ANO4: variants seen among roughly 807,000 people sequenced by gnomAD.
ANO4 encodes the protein anoctamin 4.
A neutral mutation model predicts 141.9 loss-of-function variants in ANO4; 69 were observed. The ratio of observed to expected loss-of-function variants is 0.49; its 90% CI spans 0.40 to 0.59. The LOEUF is 0.59. Ranked by LOEUF, ANO4 falls within the 20% of genes least tolerant of loss-of-function variation. The pLI, the probability that ANO4 is intolerant of heterozygous loss-of-function variation, is 0.00. For missense variants in ANO4, 894 were observed against 1,162.2 expected (o/e 0.77, Z 3.36); for synonymous variants, 350 against 394.3 (o/e 0.89, Z 1.33).
At position 101,086,699 on chromosome 12, in the gene ANO4, T is replaced by C; in HGVS notation, c.1576T>C (p.Tyr526His). Residue 526 changes from tyrosine to histidine, a missense_variant, in exon 17 of 28, where the codon TAC becomes CAC. Transcript: ENST00000392977. ...VIAAVFGIVI[Y>H]RVVTVSTFAA... ...TGCTGCCGTGTTCGGGATCGTCATT[T>C]ACCGGGTGGTGACTGTCAGCACTTT... 1.9e-6 allele frequency: 3 copies of C among 1,613,902 alleles called. No individual in the cohort carries two copies. The highest frequency in any genetic ancestry group is 1.7e-6 in the Non-Finnish European group (2 of 1,179,822).
At chr12:100,851,636 T>A (rs2037876477) in intron 1 of ANO4, among the ~76,000 whole-genome samples, 1 of 152,232 alleles carries the variant, frequency 6.6e-6, no homozygotes, top group African/African-American at 2.4e-5. Context: ...TCTCCTATTT[T>A]AAAAATAATT....
intron 1 of ANO4, among the ~76,000 whole-genome samples, chr12:100,892,889 G>A (rs2040174235): frequency 1.3e-5 from 2 of 151,814 alleles, no homozygotes; most frequent in South Asian, 2.1e-4. Flanking sequence ...CTGTCCTGCC[G>A]GCTCCCTGCC....
chr12:100,877,119 G>T (rs77628570), intron 1 of ANO4, among the ~76,000 whole-genome samples: 2,635 of 152,204 alleles, frequency 0.017, 75 homozygotes, highest in African/African-American at 0.06. Context: ...GGGGCTGAGG[G>T]TAGGGGACGG....
chr12:100,909,005 G>C (rs1191593350), intron 2 of ANO4, among the ~76,000 whole-genome samples: 4 of 152,104 alleles, frequency 2.6e-5, no homozygotes, highest in Admixed American at 2.6e-4. Flanking sequence ...ATTAAACATG[G>C]GTCTTAAGGC....
At chr12:100,859,290 G>A (rs1395307762) in intron 1 of ANO4, 2 of 152,156 alleles carry the variant, frequency 1.3e-5, no homozygotes, top group South Asian at 2.1e-4. Flanking sequence ...TTAAAAGCCA[G>A]TGGCTTTAAG....
chr12:101,065,906 A>G (rs575216978), intron 14 of ANO4, among the ~76,000 whole-genome samples: 2 of 152,366 alleles, frequency 1.3e-5, no homozygotes, highest in African/African-American at 4.8e-5. Flanking sequence ...GAAAAAGATC[A>G]TTCATTATAA....
chr12:100,720,433 C>T (rs1305513584), intron 1 of ANO4, among the ~76,000 whole-genome samples: 3 of 151,602 alleles, frequency 2.0e-5, no homozygotes, highest in African/African-American at 7.3e-5. Flanking sequence ...GGCCCTGAGT[C>T]AGGAATGAGC....
chr12:101,094,948 C>G (rs2049921515), intron 18 of ANO4, among the ~76,000 whole-genome samples: 1 of 152,184 alleles, frequency 6.6e-6, no homozygotes, highest in African/African-American at 2.4e-5. Flanking sequence ...GATCATGCCA[C>G]TGCACTCCAG....
At chr12:100,914,840 A>G (rs1448008564) in intron 2 of ANO4, among the ~76,000 whole-genome samples, 2 of 152,130 alleles carry the variant, frequency 1.3e-5, no homozygotes, top group East Asian at 3.8e-4. Context: ...TTTTTAAGAT[A>G]CAAGGACTCT....
intron 14 of ANO4, among the ~76,000 whole-genome samples, chr12:101,060,395 T>C (rs2048299297): frequency 6.6e-6 from 1 of 152,234 alleles, no homozygotes; most frequent in Non-Finnish European, 1.5e-5. Context: ...GTCTATTAGG[T>C]TCGCTTGGTC....
At chr12:100,926,029 C>A (rs1266946576) in intron 3 of ANO4, among the ~76,000 whole-genome samples, 1 of 151,866 alleles carries the variant, frequency 6.6e-6, no homozygotes, top group Non-Finnish European at 1.5e-5. Flanking sequence ...AGATTTTCTC[C>A]ATTTTAAAGG....
intron 2 of ANO4, among the ~76,000 whole-genome samples, chr12:100,919,608 A>G (rs2136094831): frequency 6.6e-6 from 1 of 151,718 alleles, no homozygotes; most frequent in African/African-American, 2.4e-5. Context: ...GATATCTACC[A>G]ATGCATTTCT....
At chr12:100,723,578 G>A (rs772893026) in intron 1 of ANO4, among the ~76,000 whole-genome samples, 11 of 152,156 alleles carry the variant, frequency 7.2e-5, no homozygotes, top group African/African-American at 1.7e-4. Flanking sequence ...AACTTTTTTC[G>A]TAAACCTATA....
chr12:101,099,779 C>A, intron 22 of ANO4, 59 bp downstream of exon 22: 2 of 1,367,646 alleles, frequency 1.5e-6, no homozygotes, highest in South Asian at 3.4e-5. Context: ...CAGGTATATT[C>A]AACTAAACAT....
intron 3 of ANO4, among the ~76,000 whole-genome samples, chr12:100,754,238 TC>T (rs2032512543): frequency 1.3e-5 from 2 of 152,344 alleles, no homozygotes; most frequent in Non-Finnish European, 2.9e-5. Context: ...CTTCCACCCT[TC>T]CCACATCTAA....
At chr12:100,977,233 G>C (rs1034677472) in intron 7 of ANO4, among the ~76,000 whole-genome samples, 3 of 151,918 alleles carry the variant, frequency 2.0e-5, no homozygotes, top group Non-Finnish European at 4.4e-5. Context: ...TCTTTCTGTC[G>C]TGCTTCTGAA....
At chr12:101,090,291 A>C (rs1029370097) in intron 17 of ANO4, among the ~76,000 whole-genome samples, 1 of 152,244 alleles carries the variant, frequency 6.6e-6, no homozygotes, top group Non-Finnish European at 1.5e-5. Context: ...ATAAAGACAC[A>C]TGCACACATA....
intron 6 of ANO4, among the ~76,000 whole-genome samples, chr12:100,971,714 T>G (rs1314135718): frequency 1.3e-5 from 2 of 152,190 alleles, no homozygotes; most frequent in Non-Finnish European, 2.9e-5. Flanking sequence ...TACTGCTGCT[T>G]TGAACAGCCA....
chr12:100,915,546 T>C (rs1211530829), intron 2 of ANO4, among the ~76,000 whole-genome samples: 7 of 152,162 alleles, frequency 4.6e-5, no homozygotes. Context: ...CAGGCTTTCC[T>C]TTATTTTGGT....
Sources: allele counts gnomAD v4.1 joint callset (sites outside exome capture counted in the v4.1 genomes callset), GRCh38; gene constraint gnomAD v4.1.1; transcripts MANE v1.5; gene names NCBI Gene and HGNC (gene_info 2026-07-23, HGNC 2026-07-21).